FYCO1: variants seen among roughly 807,000 people sequenced by gnomAD.
FYCO1 encodes FYVE and coiled-coil domain-containing protein 1.
FYCO1 carries 122 observed loss-of-function variants against 165.1 expected under a neutral mutation model. The observed-to-expected ratio is 0.74, with a 90% CI of 0.64 to 0.86. The LOEUF is 0.86. FYCO1 is among the 40% of genes least tolerant of loss of function. The pLI, the probability that FYCO1 is intolerant of heterozygous loss-of-function variation, is 0.00. For synonymous variants in FYCO1, 648 were observed against 742.5 expected (o/e 0.87, Z 2.07); for missense variants, 1,702 against 1,810.3 (o/e 0.94, Z 1.09).
intron 1 of FYCO1, among the ~76,000 whole-genome samples, chr3:45,991,675 G>A (rs1707567379): frequency 6.6e-6 from 1 of 152,066 alleles, no homozygotes; most frequent in Non-Finnish European, 1.5e-5. Flanking sequence ...TCCCGAGGAA[G>A]CCTTACCCAC....
chr3:45,975,407 G>A, intron 4 of FYCO1, 62 bp from the exon 5 acceptor site: 1 of 1,259,210 alleles, frequency 7.9e-7, no homozygotes, highest in Non-Finnish European at 1.2e-6. Context: ...TACAGACCTG[G>A]TCTCATAGAT....
chr3:45,951,699 G>A (rs147052249), intron 14 of FYCO1, among the ~76,000 whole-genome samples: 1,573 of 152,248 alleles, frequency 0.01, 13 homozygotes, highest in Non-Finnish European at 0.015. Flanking sequence ...GGGCTATGAC[G>A]AATACCATCT....
rs964499866 is a variant in FYCO1, at chr3:45,919,851, C to G, written c.*1914G>C. ...ATTTGTTCTGAATCATCTCAGGCCA[C>G]GTGGCATGCCTGTGAGGACAAACAT... On this transcript the variant is annotated 3_prime_UTR_variant, in exon 18 of 18. Transcript: ENST00000296137. 6.6e-6 allele frequency: 1 copy of G among 152,236 alleles called. No homozygotes were observed. Among genetic ancestry groups the G allele is most frequent in the Non-Finnish European group, 1.5e-5 (1 of 68,050 alleles). 9.4% of individuals were successfully genotyped at this position (152,236 alleles called of 1,614,324 possible). A position where few individuals can be genotyped will look rare whatever the true frequency, so the allele number is the denominator to read the frequency against.
At chr3:45,987,533 A>G (rs1158836148) in intron 1 of FYCO1, among the ~76,000 whole-genome samples, 2 of 152,114 alleles carry the variant, frequency 1.3e-5, no homozygotes, top group Admixed American at 6.5e-5. Context: ...CCAAAAAGAA[A>G]AGGATGCTGG....
intron 16 of FYCO1, among the ~76,000 whole-genome samples, chr3:45,926,545 C>G (rs2125791256): frequency 6.6e-6 from 1 of 152,308 alleles, no homozygotes; most frequent in South Asian, 2.1e-4. Flanking sequence ...TGGACAAATT[C>G]ACAATTATAG....
chr3:45,969,898 C>A, intron 6 of FYCO1, 133 bp from the exon 7 acceptor site: 1 of 635,196 alleles, frequency 1.6e-6, no homozygotes, highest in Admixed American at 2.5e-5. Flanking sequence ...AAGTCAAAGC[C>A]AACAGATTCC....
In FYCO1 at chr3:45,921,783, AT is replaced by A; in HGVS notation, c.4418del (p.Asp1473ValfsTer82). On this transcript the variant is annotated frameshift_variant, in exon 18 of 18. Coordinates refer to ENST00000296137, the MANE Select transcript of FYCO1 (RefSeq NM_024513.4). LOFTEE classifies it high-confidence loss of function. ...HLTVDRPVIY[D>X]GSDFL ...GCTGAAGCTACAGGAAATCACTTCC[AT>A]CGTAGATCACAGGCCGATCAACCGT... The A allele has an allele frequency of 6.2e-7, 1 of 1,611,336 alleles. No homozygotes were observed. Among genetic ancestry groups the A allele is most frequent in the Non-Finnish European group, 8.5e-7 (1 of 1,177,378 alleles).
intron 14 of FYCO1, among the ~76,000 whole-genome samples, chr3:45,936,760 G>A (rs143007267): frequency 3.3e-5 from 5 of 152,242 alleles, no homozygotes; most frequent in African/African-American, 1.2e-4. Flanking sequence ...AAGACAATAG[G>A]GCTACAGCAG....
chr3:45,926,522 T>C (rs1703326077), intron 16 of FYCO1, among the ~76,000 whole-genome samples: 1 of 152,200 alleles, frequency 6.6e-6, no homozygotes, highest in South Asian at 2.1e-4. Context: ...AGTGGTAGAA[T>C]TGCAAGGAGA....
chr3:45,952,854 T>C (rs1705107350), intron 14 of FYCO1, among the ~76,000 whole-genome samples: 1 of 152,182 alleles, frequency 6.6e-6, no homozygotes, highest in Non-Finnish European at 1.5e-5. Context: ...CACCTGGCTT[T>C]CCAGGTGATG....
At chr3:45,981,407 G>A (rs1276675251) in intron 3 of FYCO1, among the ~76,000 whole-genome samples, 163 bp downstream of exon 3, 1 of 152,176 alleles carries the variant, frequency 6.6e-6, no homozygotes, top group Non-Finnish European at 1.5e-5. Flanking sequence ...ATCACACTTG[G>A]AGGATTGAGC....
At chr3:45,955,778 C>G (rs1388117686) in intron 13 of FYCO1, among the ~76,000 whole-genome samples, 1 of 152,228 alleles carries the variant, frequency 6.6e-6, no homozygotes, top group Non-Finnish European at 1.5e-5. Context: ...CTCTGTAAGA[C>G]ACAGGCAGTA....
intron 14 of FYCO1, among the ~76,000 whole-genome samples, chr3:45,951,198 C>CAACAT (rs1186922793): frequency 6.6e-6 from 1 of 152,168 alleles, no homozygotes; most frequent in African/African-American, 2.4e-5. Context: ...ATCAGGAAAG[C>CAACAT]AACATAACTC....
At chr3:45,979,985 T>G (rs565066674) in intron 3 of FYCO1, among the ~76,000 whole-genome samples, 155 bp from the exon 4 acceptor site, 7 of 152,346 alleles carry the variant, frequency 4.6e-5, no homozygotes, top group Admixed American at 4.6e-4. Flanking sequence ...TCAAGGTGTG[T>G]TAATACCCTG....
intron 2 of FYCO1, among the ~76,000 whole-genome samples, chr3:45,984,411 A>G (rs994959383): frequency 3.9e-5 from 6 of 152,366 alleles, no homozygotes; most frequent in Admixed American, 1.3e-4. Flanking sequence ...GCAATGGGCC[A>G]TCCGCCAGCC....
At position 45,966,810 on chromosome 3, in the gene FYCO1, C is replaced by T; in HGVS notation, c.2524G>A (p.Val842Ile). Residue 842 changes from valine (V) to isoleucine (I), a missense_variant, in exon 8 of 18, where the codon GTC becomes ATC. Coordinates refer to ENST00000296137, the MANE Select transcript of FYCO1 (RefSeq NM_024513.4). ...EQNEALNRAHVQELLQCSERE... is the reference protein window; with the variant it reads ...EQNEALNRAHIQELLQCSERE... ...TCCGAGCATTGCAGCAGCTCCTGGA[C>T]ATGGGCTCTGTTAAGGGCTTCATTC... 1 of 1,610,410 alleles carries T rather than the reference C, an allele frequency of 6.2e-7. No homozygotes were observed. Among genetic ancestry groups the T allele is most frequent in the Non-Finnish European group, 8.5e-7 (1 of 1,180,018 alleles).
chr3:45,929,330 C>A (rs1703477103), intron 16 of FYCO1, among the ~76,000 whole-genome samples: 1 of 152,092 alleles, frequency 6.6e-6, no homozygotes, highest in African/African-American at 2.4e-5. Context: ...CCTGGTAGAG[C>A]CACACAGGAA....
Position 45,966,891 on chromosome 3 carries a change from T to C in FYCO1, c.2443A>G (p.Met815Val), listed in dbSNP as rs968264948. 12 of 1,613,506 alleles carry C rather than the reference T, an allele frequency of 7.4e-6. No individual in the cohort carries two copies. The highest frequency in any genetic ancestry group is 2.7e-5 in the African/African-American group (2 of 74,952). The stretch of plus-strand genomic sequence containing the variant: ...TGCTCCCTCAGGACGGCCTCAGCCA[T>C]GCTTAGCTGGCTCTGCACCTTGTCC... ...DQDKVQSQLS[M>V]AEAVLREHKT... The change falls in exon 8 of 18, where the codon ATG becomes GTG. Residue 815 changes from methionine (M) to valine (V), a missense_variant. By Grantham distance (21) the Met-to-Val change is conservative. Coordinates refer to ENST00000296137, the MANE Select transcript of FYCO1 (RefSeq NM_024513.4).
At chr3:45,932,927 T>G (rs186172196) in intron 15 of FYCO1, among the ~76,000 whole-genome samples, 358 of 152,346 alleles carry the variant, frequency 2.3e-3, no homozygotes, top group African/African-American at 8.2e-3. Context: ...TATTACCATG[T>G]AAAAAGTCAC....
Sources: allele counts gnomAD v4.1 joint callset (sites outside exome capture counted in the v4.1 genomes callset), GRCh38; gene constraint gnomAD v4.1.1; transcripts MANE v1.5; gene names NCBI Gene and HGNC (gene_info 2026-07-23, HGNC 2026-07-21).